ARHGAP25: variants seen among roughly 807,000 people sequenced by gnomAD.
The protein encoded by ARHGAP25 is Rho GTPase activating protein 25, also known as rho GTPase-activating protein 25.
ARHGAP25 carries 34 observed loss-of-function variants against 71.0 expected under a neutral mutation model. The observed-to-expected ratio is 0.48, with a 90% CI of 0.36 to 0.64. The LOEUF (loss-of-function observed/expected upper bound fraction) is 0.64. Ranked by LOEUF, ARHGAP25 falls within the 30% of genes least tolerant of loss-of-function variation. The probability of loss-of-function intolerance (pLI) is 0.00; values close to 1 mark genes in which losing one functional copy is unlikely to be tolerated. For missense variants in ARHGAP25, 706 were observed against 805.1 expected (o/e 0.88, Z 1.49); for synonymous variants, 282 against 296.5 (o/e 0.95, Z 0.50).
At chr2:68,748,238 C>G (rs1675953403) in intron 1 of ARHGAP25, among the ~76,000 whole-genome samples, 1 of 152,190 alleles carries the variant, frequency 6.6e-6, no homozygotes, top group South Asian at 2.1e-4. Flanking sequence ...GCTGTTCTCC[C>G]TGAAATGTGC....
chr2:68,783,304 T>C (rs531519719), intron 3 of ARHGAP25, among the ~76,000 whole-genome samples: 1 of 152,336 alleles, frequency 6.6e-6, no homozygotes, highest in African/African-American at 2.4e-5. Context: ...TTTGATACAG[T>C]GCATGTCATA....
chr2:68,750,837 G>C lies in ARHGAP25; in HGVS notation c.61+15577G>C, dbSNP rs78875853. On this transcript the variant is annotated intron_variant, in intron 1 of 10. Coordinates refer to ENST00000409202, the MANE Select transcript of ARHGAP25 (RefSeq NM_001007231.3). The stretch of plus-strand genomic sequence containing the variant: ...GATCCTGCTCACACAGGGAATTAGT[G>C]TCAGAAGTGACGTGTTAAGGGGTTA... Among the ~76,000 whole-genome samples, 523 of 152,340 alleles carry C rather than the reference G, an allele frequency of 3.4e-3. 2 individuals are homozygous for C. The highest frequency in any genetic ancestry group is 0.012 in the African/African-American group (492 of 41,576).
chr2:68,772,924 T>G (rs1414623921), intron 1 of ARHGAP25, among the ~76,000 whole-genome samples: 1 of 152,216 alleles, frequency 6.6e-6, no homozygotes, highest in East Asian at 1.9e-4. Context: ...CAAATTATCT[T>G]TTCTACATCT....
intron 1 of ARHGAP25, among the ~76,000 whole-genome samples, chr2:68,769,557 A>C (rs1460074905): frequency 6.6e-6 from 1 of 152,152 alleles, no homozygotes; most frequent in Non-Finnish European, 1.5e-5. Context: ...AGCAAGGCCA[A>C]ACATCAAGGG....
intron 4 of ARHGAP25, among the ~76,000 whole-genome samples, chr2:68,789,400 T>C (rs1679006620): frequency 6.6e-6 from 1 of 152,226 alleles, no homozygotes; most frequent in Admixed American, 6.5e-5. Context: ...TATCCAATGA[T>C]GTTAAACAAC....
chr2:68,715,851 G>T (rs574219129), intron 2 of ARHGAP25, among the ~76,000 whole-genome samples: 1 of 152,308 alleles, frequency 6.6e-6, no homozygotes, highest in East Asian at 1.9e-4. Flanking sequence ...ATAAGTGGCT[G>T]CCAAGAACAG....
upstream of ARHGAP25, among the ~76,000 whole-genome samples, chr2:68,731,639 G>A (rs960913737): frequency 6.6e-5 from 10 of 152,142 alleles, no homozygotes; most frequent in African/African-American, 9.6e-5. Context: ...CTTCTTAGGA[G>A]CGACCTGAAG....
At chr2:68,794,969 C>T (rs1679432303) in intron 4 of ARHGAP25, among the ~76,000 whole-genome samples, 2 of 152,070 alleles carry the variant, frequency 1.3e-5, no homozygotes, top group African/African-American at 4.8e-5. Flanking sequence ...TTGGTCTCTT[C>T]AGACTTTCTA....
In ARHGAP25 at chr2:68,813,418, A is replaced by C; in HGVS notation, c.806A>C (p.Lys269Thr). The C allele has an allele frequency of 6.2e-7, 1 of 1,611,170 alleles. No individual in the cohort carries two copies. The highest frequency in any genetic ancestry group is 8.5e-7 in the Non-Finnish European group (1 of 1,179,262). The change falls in exon 6 of 11, where the codon AAG becomes ACG. Residue 269 changes from lysine (K) to threonine (T), a missense_variant and splice_region_variant. Coordinates refer to ENST00000409202, the MANE Select transcript of ARHGAP25 (RefSeq NM_001007231.3). ...CAGCTCACGAATGCGGATGAGGCAA[A>C]GGTTTGCATCTTAGAGTTAGTTGTC... ...CGQLTNADEA[K>T]AQQELMKQLS...
upstream of ARHGAP25, among the ~76,000 whole-genome samples, chr2:68,734,436 A>C (rs773981739): frequency 6.6e-6 from 1 of 152,202 alleles, no homozygotes; most frequent in Non-Finnish European, 1.5e-5. Flanking sequence ...ATCACTTGCA[A>C]ACTTTATCCT....
At chr2:68,825,504 G>T (rs986594219) in intron 10 of ARHGAP25, among the ~76,000 whole-genome samples, 1 of 152,098 alleles carries the variant, frequency 6.6e-6, no homozygotes, top group African/African-American at 2.4e-5. Context: ...GGTGGTTCAT[G>T]CCTGTAATCT....
intron 4 of ARHGAP25, among the ~76,000 whole-genome samples, chr2:68,802,245 AAAAATAC>A (rs1014789119): frequency 5.4e-5 from 4 of 74,580 alleles, no homozygotes; most frequent in African/African-American, 1.3e-4. Flanking sequence ...CGTCTCTACT[AAAAATAC>A]AAAATATCAT....
intron 1 of ARHGAP25, 73 bp downstream of exon 1, chr2:68,735,333 A>C: frequency 1.4e-6 from 2 of 1,450,750 alleles, no homozygotes; most frequent in Non-Finnish European, 1.9e-6. Context: ...GTTGGTCTGC[A>C]GGGAGCATAG....
intron 1 of ARHGAP25, among the ~76,000 whole-genome samples, chr2:68,754,340 A>C (rs1014994560): frequency 6.6e-6 from 1 of 152,188 alleles, no homozygotes; most frequent in Non-Finnish European, 1.5e-5. Context: ...CATATAAATG[A>C]AATGATAATG....
intron 2 of ARHGAP25, among the ~76,000 whole-genome samples, chr2:68,720,332 A>C (rs934386537): frequency 1.3e-5 from 2 of 149,780 alleles, no homozygotes; most frequent in African/African-American, 2.5e-5. Flanking sequence ...AAAAAAAAAA[A>C]AGAAAAGAAA....
upstream of ARHGAP25, among the ~76,000 whole-genome samples, chr2:68,734,654 C>G (rs1675117407): frequency 6.6e-6 from 1 of 152,096 alleles, no homozygotes; most frequent in South Asian, 2.1e-4. Context: ...CAGAAGCAAC[C>G]ATTCTGGTTT....
chr2:68,803,800 G>A (rs773922281), intron 4 of ARHGAP25, among the ~76,000 whole-genome samples: 4 of 151,832 alleles, frequency 2.6e-5, no homozygotes, highest in Non-Finnish European at 5.9e-5. Flanking sequence ...GAGTTCACTC[G>A]TAACCCTCCA....
chr2:68,758,908 C>T (rs1346397554), intron 1 of ARHGAP25, among the ~76,000 whole-genome samples: 3 of 151,882 alleles, frequency 2.0e-5, no homozygotes, highest in Non-Finnish European at 2.9e-5. Context: ...AAAGTATCTT[C>T]TCCAGCCACA....
rs533470002 is a variant in ARHGAP25 at position 68,773,589 on chromosome 2, C to T, written c.62-1632C>T. The stretch of plus-strand genomic sequence containing the variant: ...TTGGGTGATGGATACACTAGAAACC[C>T]AATCCCCACCATTAGGCGATGGACT... On this transcript the variant is annotated intron_variant, in intron 1 of 10. Coordinates refer to ENST00000409202, the MANE Select transcript of ARHGAP25 (RefSeq NM_001007231.3). Among the ~76,000 whole-genome samples the T allele has an allele frequency of 1.9e-4, 29 of 152,242 alleles. No homozygotes were observed. The South Asian group carries it at 6.0e-3, about 32-fold the overall frequency.
Sources: allele counts gnomAD v4.1 joint callset (sites outside exome capture counted in the v4.1 genomes callset), GRCh38; gene constraint gnomAD v4.1.1; transcripts MANE v1.5; gene names NCBI Gene and HGNC (gene_info 2026-07-23, HGNC 2026-07-21).